The following ARHGAP10 variants were observed in gnomAD, a reference collection of about 807,000 sequenced individuals.
ARHGAP10 encodes the protein rho GTPase-activating protein 10.
A neutral mutation model predicts 108.6 loss-of-function variants in ARHGAP10; 87 were observed. The observed-to-expected ratio is 0.80, with a 90% CI of 0.67 to 0.96. The LOEUF is 0.96. ARHGAP10 is among the 40% of genes least tolerant of loss of function. The probability of loss-of-function intolerance (pLI) is 0.00; values close to 1 mark genes in which losing one functional copy is unlikely to be tolerated. For missense variants in ARHGAP10, 939 were observed against 954.5 expected (o/e 0.98, Z 0.21); for synonymous variants, 347 against 341.1 (o/e 1.02, Z -0.19).
At chr4:147,873,266 CAG>C (rs1028974506) in intron 7 of ARHGAP10, among the ~76,000 whole-genome samples, 4 of 152,126 alleles carry the variant, frequency 2.6e-5, no homozygotes, top group African/African-American at 9.7e-5. Context: ...AGTCAAAAGA[CAG>C]AAGCCAGTTC....
intron 1 of ARHGAP10, among the ~76,000 whole-genome samples, chr4:147,751,162 G>A (rs998732834): frequency 6.6e-6 from 1 of 151,668 alleles, no homozygotes; most frequent in Admixed American, 6.6e-5. Flanking sequence ...CTGGGCAACC[G>A]AGTGAGACGC....
At chr4:147,896,654 A>T (rs1054996330) in intron 10 of ARHGAP10, among the ~76,000 whole-genome samples, 14 of 151,564 alleles carry the variant, frequency 9.2e-5, no homozygotes, top group Admixed American at 2.0e-4. Context: ...TTCTGAATTT[A>T]TTTTTTTTCA....
intron 18 of ARHGAP10, among the ~76,000 whole-genome samples, chr4:147,971,034 AGTGAGCTG>A (rs1739385829): frequency 2.0e-5 from 3 of 146,552 alleles, no homozygotes; most frequent in Non-Finnish European, 3.0e-5. Flanking sequence ...TGGAGGTTGC[AGTGAGCTG>A]AGATTGCGCC....
intron 18 of ARHGAP10, among the ~76,000 whole-genome samples, chr4:148,018,096 C>A (rs1741418565): frequency 6.6e-6 from 1 of 152,124 alleles, no homozygotes; most frequent in African/African-American, 2.4e-5. Flanking sequence ...TGTTTTTTGT[C>A]ATTGGATTGT....
chr4:147,976,104 C>T (rs182340637), intron 18 of ARHGAP10, among the ~76,000 whole-genome samples: 66 of 152,286 alleles, frequency 4.3e-4, no homozygotes, highest in Non-Finnish European at 2.4e-4. Flanking sequence ...ATCCCTCTTC[C>T]GTAGGTTGGT....
rs1484098024 is a variant in ARHGAP10 at position 147,852,724 on chromosome 4, TTTTTTTA to T, written c.385-4828_385-4822del. ...CCAAACTTTTTTTTTTTTTTTTTTT[TTTTTTTA>T]AAATGGAGCGGAGTTTCGCCCTTGT... is the stretch of plus-strand genomic sequence containing the variant. On this transcript the variant is annotated intron_variant, in intron 4 of 22. Coordinates refer to ENST00000336498, the MANE Select transcript of ARHGAP10 (RefSeq NM_024605.4). 6.6e-3 allele frequency among the ~76,000 whole-genome samples: 251 copies of T among 38,252 alleles called. 2 individuals carry two copies. The highest frequency in any genetic ancestry group is 0.057 in the South Asian group (42 of 742). 25.1% of individuals were successfully genotyped at this position (38,252 alleles called of 152,430 possible).
At chr4:147,940,052 C>A (rs1262506539) in intron 14 of ARHGAP10, among the ~76,000 whole-genome samples, 153 bp downstream of exon 14, 1 of 152,222 alleles carries the variant, frequency 6.6e-6, no homozygotes, top group Non-Finnish European at 1.5e-5. Flanking sequence ...AATTGACCCA[C>A]AGAAGTAGAT....
chr4:148,067,748 G>A (rs1729960081), intron 22 of ARHGAP10, among the ~76,000 whole-genome samples: 1 of 152,184 alleles, frequency 6.6e-6, no homozygotes, highest in Admixed American at 6.5e-5. Context: ...CCCCTGGGCG[G>A]CCTCGTCAGT....
intron 1 of ARHGAP10, among the ~76,000 whole-genome samples, chr4:147,821,060 C>G (rs906865538): frequency 1.3e-5 from 2 of 152,164 alleles, no homozygotes; most frequent in Non-Finnish European, 2.9e-5. Flanking sequence ...ACAGGGCTGG[C>G]TGGCTGGCTG....
At chr4:147,893,373 A>T (rs1235709769) in intron 10 of ARHGAP10, among the ~76,000 whole-genome samples, 1 of 150,964 alleles carries the variant, frequency 6.6e-6, no homozygotes, top group Non-Finnish European at 1.5e-5. Flanking sequence ...TAAACTTTTT[A>T]AATGTAAATT....
chr4:148,040,040 G>A (rs1728562900), intron 19 of ARHGAP10, among the ~76,000 whole-genome samples: 1 of 152,178 alleles, frequency 6.6e-6, no homozygotes, highest in Non-Finnish European at 1.5e-5. Context: ...TGTATGCATG[G>A]TTAGGGTGTG....
chr4:147,972,669 C>T (rs35133175), intron 18 of ARHGAP10, among the ~76,000 whole-genome samples: 17,737 of 152,096 alleles, frequency 0.12, 1,234 homozygotes, highest in African/African-American at 0.2. Flanking sequence ...ATGCCAGATA[C>T]GTCCCATGAG....
rs911149319 is a variant in ARHGAP10, at chr4:147,823,773, CAAAACAA to C, written c.312+830_312+836del. Among the ~76,000 whole-genome samples, 37 of 151,960 alleles carry C rather than the reference CAAAACAA, an allele frequency of 2.4e-4. No homozygotes were observed. The South Asian group carries it at 4.0e-3, about 16-fold the overall frequency. On this transcript the variant is annotated intron_variant, in intron 3 of 22. Coordinates refer to ENST00000336498, the MANE Select transcript of ARHGAP10 (RefSeq NM_024605.4). ...CCCTGTCTCAAAAAAAAAGAAAAAA[CAAAACAA>C]AAAACAAAAAACAGCTGTCCCCCAT...
chr4:147,936,859 G>A (rs1737971066), intron 13 of ARHGAP10, among the ~76,000 whole-genome samples: 1 of 152,184 alleles, frequency 6.6e-6, no homozygotes, highest in South Asian at 2.1e-4. Context: ...CCAGACCGTG[G>A]CCTATTAGGA....
chr4:147,983,519 A>G, intron 18 of ARHGAP10, among the ~76,000 whole-genome samples: 1 of 149,576 alleles, frequency 6.7e-6, no homozygotes, highest in South Asian at 2.1e-4. Flanking sequence ...TTTTTTTTCA[A>G]ATTTTTGTCT....
Position 148,023,372 on chromosome 4 carries a change from G to A in ARHGAP10, c.1826G>A (p.Arg609Lys). The A allele has an allele frequency of 6.2e-7, 1 of 1,614,134 alleles. No homozygotes were observed. The highest frequency in any genetic ancestry group is 8.5e-7 in the Non-Finnish European group (1 of 1,179,976). Residue 609 changes from arginine (R) to lysine (K), a missense_variant, in exon 19 of 23, where the codon AGG (arginine) becomes AAG (lysine). Transcript: ENST00000336498. The part of the protein sequence containing the change: ...QSKRQGQRTK[R>K]PVAVYNLCLE... ...AAGAGACAAGGCCAGAGAACCAAGA[G>A]GCCCGTGGCCGTCTACAATCTTTGT...
At chr4:147,973,619 A>T (rs1412011959) in intron 18 of ARHGAP10, among the ~76,000 whole-genome samples, 1 of 152,168 alleles carries the variant, frequency 6.6e-6, no homozygotes, top group Non-Finnish European at 1.5e-5. Flanking sequence ...GCTATCAAAT[A>T]CTGAATTTTA....
chr4:147,907,002 A>G (rs925408228), intron 11 of ARHGAP10, among the ~76,000 whole-genome samples: 1 of 152,046 alleles, frequency 6.6e-6, no homozygotes, highest in Non-Finnish European at 1.5e-5. Flanking sequence ...CATCTTTCCT[A>G]CTTGACAGTA....
At chr4:147,837,641 C>CTTTTTTTTTTTTTTTTT (rs1355564479) in intron 3 of ARHGAP10, among the ~76,000 whole-genome samples, 2 of 14,726 alleles carry the variant, frequency 1.4e-4, no homozygotes, top group Non-Finnish European at 8.8e-4. Context: ...TCTCTGGTCA[C>CTTTTTTTTTTTTTTTTT]TGTTTTTTTT....
Sources: gnomAD v4.1 joint callset for allele counts (sites outside exome capture counted in the v4.1 genomes callset) on GRCh38, gnomAD v4.1.1 for gene constraint, MANE v1.5 for transcripts, NCBI Gene and HGNC (gene_info 2026-07-23, HGNC 2026-07-21) for gene names.